Variants in KCNH5 observed in about 807,000 individuals in gnomAD.
KCNH5 encodes voltage-gated delayed rectifier potassium channel KCNH5.
KCNH5 carries 46 observed loss-of-function variants against 96.1 expected under a neutral mutation model. The ratio of observed to expected loss-of-function variants is 0.48; its 90% CI spans 0.38 to 0.61. The LOEUF is 0.61. KCNH5 is among the 20% of genes least tolerant of loss of function. The pLI is 0.00. For missense variants in KCNH5, 907 were observed against 1,225.8 expected, an observed-to-expected ratio of 0.74 and a Z score of 3.88; for synonymous variants, 439 against 449.8, an observed-to-expected ratio of 0.98 and a Z score of 0.30.
chr14:62,897,119 G>C (rs895537725), intron 7 of KCNH5, among the ~76,000 whole-genome samples: 14 of 152,168 alleles, frequency 9.2e-5, no homozygotes, highest in African/African-American at 2.9e-4. Flanking sequence ...TATGGTGGGA[G>C]TCCCCTCCTC....
intron 7 of KCNH5, among the ~76,000 whole-genome samples, chr14:62,859,682 A>C (rs1268433579): frequency 6.6e-6 from 1 of 152,212 alleles, no homozygotes; most frequent in African/African-American, 2.4e-5. Flanking sequence ...CCTTCCATGC[A>C]AAGTGCATAA....
intron 3 of KCNH5, among the ~76,000 whole-genome samples, chr14:63,003,624 A>ATATT (rs1491457497): frequency 2.2e-4 from 20 of 92,792 alleles, no homozygotes; most frequent in South Asian, 1.2e-3. Context: ...ATATATATAT[A>ATATT]TTTTTTTTTT....
At position 62,856,307 on chromosome 14, in the gene KCNH5, A is replaced by T. The variant is rs149829554; in HGVS notation, c.1370-6455T>A. Among the ~76,000 whole-genome samples, 84 of 152,208 alleles carry T rather than the reference A, an allele frequency of 5.5e-4. No individual in the cohort carries two copies. In the East Asian group the frequency reaches 9.8e-3, roughly 18 times the overall value. On this transcript the variant is annotated intron_variant, in intron 7 of 10. Transcript: ENST00000322893. ...CTTATTAGTAATTTTTCCTTCTTAG[A>T]TATTATATTTTGTGCCCCTCCATAA... is the stretch of plus-strand genomic sequence containing the variant.
intron 9 of KCNH5, among the ~76,000 whole-genome samples, chr14:62,798,112 T>C (rs1178148432): frequency 6.6e-6 from 1 of 152,190 alleles, no homozygotes. Flanking sequence ...AATTATGTTA[T>C]TCCTGGCCTC....
At chr14:63,033,707 C>A (rs1384604028) in intron 1 of KCNH5, among the ~76,000 whole-genome samples, 2 of 151,332 alleles carry the variant, frequency 1.3e-5, no homozygotes, top group East Asian at 3.9e-4. Flanking sequence ...TATTTAAAGT[C>A]ATACAGTCAG....
intron 10 of KCNH5, 55 bp from the exon 11 acceptor site, chr14:62,708,510 G>T: frequency 9.0e-7 from 1 of 1,106,264 alleles, no homozygotes; most frequent in Non-Finnish European, 1.3e-6. Context: ...TGGATTAACA[G>T]TTGTATAATA....
intron 3 of KCNH5, among the ~76,000 whole-genome samples, chr14:63,005,843 G>A (rs1044752037): frequency 1.3e-5 from 2 of 152,090 alleles, no homozygotes; most frequent in South Asian, 2.1e-4. Context: ...TTTACCAAAC[G>A]TGAATGACTT....
At chr14:62,943,114 T>A (rs1318841095) in intron 7 of KCNH5, among the ~76,000 whole-genome samples, 1 of 152,088 alleles carries the variant, frequency 6.6e-6, no homozygotes, top group Non-Finnish European at 1.5e-5. Context: ...TGGCAAAGAG[T>A]TATTCAAAAC....
At chr14:62,853,585 CT>C (rs1438365389) in intron 7 of KCNH5, among the ~76,000 whole-genome samples, 1 of 150,528 alleles carries the variant, frequency 6.6e-6, no homozygotes, top group Non-Finnish European at 1.5e-5. Context: ...CAGTATACAT[CT>C]TCTTGATGCT....
At chr14:62,758,903 G>A (rs1397534118) in intron 10 of KCNH5, among the ~76,000 whole-genome samples, 24 of 152,170 alleles carry the variant, frequency 1.6e-4, no homozygotes, top group Admixed American at 1.6e-3. Flanking sequence ...AGGATAAGAT[G>A]TTCAGTTTAT....
chr14:62,784,136 C>G (rs918613770), intron 9 of KCNH5, among the ~76,000 whole-genome samples: 2 of 152,092 alleles, frequency 1.3e-5, no homozygotes, highest in African/African-American at 2.4e-5. Flanking sequence ...CAATCATGGC[C>G]GAAGGCACAT....
intron 8 of KCNH5, among the ~76,000 whole-genome samples, chr14:62,846,773 T>C (rs926531961): frequency 8.2e-6 from 1 of 121,860 alleles, no homozygotes; most frequent in Non-Finnish European, 1.8e-5. Flanking sequence ...TATTGTATTG[T>C]ATTATTGTAT....
chr14:62,775,005 A>G (rs992083394), intron 10 of KCNH5, among the ~76,000 whole-genome samples: 5 of 152,192 alleles, frequency 3.3e-5, no homozygotes, highest in African/African-American at 1.2e-4. Context: ...TTTTCAAATA[A>G]TTTACAGTAA....
At chr14:62,764,402 C>G (rs1226197277) in intron 10 of KCNH5, among the ~76,000 whole-genome samples, 1 of 151,992 alleles carries the variant, frequency 6.6e-6, no homozygotes. Context: ...TATGACAAAC[C>G]CACAGCCAAA....
chr14:62,749,859 T>C (rs540437835), intron 10 of KCNH5, among the ~76,000 whole-genome samples: 1 of 152,340 alleles, frequency 6.6e-6, no homozygotes, highest in African/African-American at 2.4e-5. Flanking sequence ...AAGGCGGTCC[T>C]GAATTCCTAA....
chr14:62,823,141 G>A (rs1011919671), intron 8 of KCNH5, among the ~76,000 whole-genome samples: 3 of 152,014 alleles, frequency 2.0e-5, no homozygotes, highest in Non-Finnish European at 4.4e-5. Flanking sequence ...GGACTCCTCT[G>A]TGGAGTCCAC....
intron 3 of KCNH5, 105 bp from the exon 4 acceptor site, chr14:63,001,564 C>A: frequency 8.9e-6 from 9 of 1,009,616 alleles, no homozygotes; most frequent in Non-Finnish European, 1.3e-5. Context: ...ACAGCTGTGC[C>A]AGGAATCAAC....
At chr14:62,726,911 T>C (rs921443095) in intron 10 of KCNH5, among the ~76,000 whole-genome samples, 5 of 152,228 alleles carry the variant, frequency 3.3e-5, no homozygotes, top group Non-Finnish European at 5.9e-5. Flanking sequence ...TACAAAACTC[T>C]ACAATGAAAA....
Position 62,714,843 on chromosome 14 carries a change from T to C in KCNH5, c.2020-6388A>G, listed in dbSNP as rs188442293. ...TTTTACTTCATGTACATTGTGTCCA[T>C]CTTTTGTCCAATGGCAAATCAGATT... On this transcript the variant is annotated intron_variant, in intron 10 of 10. Coordinates refer to ENST00000322893, the MANE Select transcript of KCNH5 (RefSeq NM_139318.5). 3.8e-3 allele frequency among the ~76,000 whole-genome samples: 577 copies of C among 152,336 alleles called. 2 individuals are homozygous for C. Among genetic ancestry groups the C allele is most frequent in the South Asian group, 6.6e-3 (32 of 4,832 alleles).
Sources: allele counts gnomAD v4.1 joint callset (sites outside exome capture counted in the v4.1 genomes callset), GRCh38; gene constraint gnomAD v4.1.1; transcripts MANE v1.5; gene names NCBI Gene and HGNC (gene_info 2026-07-23, HGNC 2026-07-21).